CPNE5: variants seen among roughly 807,000 people sequenced by gnomAD.
The protein encoded by CPNE5 is copine-5.
CPNE5 carries 42 observed loss-of-function variants against 81.1 expected under a neutral mutation model. That is an observed-to-expected ratio of 0.52 (90% CI 0.40 to 0.67). The LOEUF is 0.67. CPNE5 is among the 30% of genes least tolerant of loss of function. The pLI is 0.00. For missense variants in CPNE5, 612 were observed against 815.5 expected (o/e 0.75, Z 3.04); for synonymous variants, 313 against 321.5 (o/e 0.97, Z 0.28).
intron 7 of CPNE5, among the ~76,000 whole-genome samples, chr6:36,793,734 C>G (rs917080110): frequency 6.6e-6 from 1 of 152,202 alleles, no homozygotes; most frequent in African/African-American, 2.4e-5. Flanking sequence ...TCCCCGGGCC[C>G]GCCGGAGGCC....
intron 14 of CPNE5, among the ~76,000 whole-genome samples, chr6:36,749,055 G>A (rs1237974908): frequency 6.6e-6 from 1 of 151,802 alleles, no homozygotes; most frequent in African/African-American, 2.4e-5. Flanking sequence ...TCCCACCTCA[G>A]CCTCCTAAAT....
intron 15 of CPNE5, among the ~76,000 whole-genome samples, chr6:36,747,827 C>A (rs1223040899): frequency 6.6e-6 from 1 of 152,238 alleles, no homozygotes; most frequent in Non-Finnish European, 1.5e-5. Flanking sequence ...CTGGATCCTG[C>A]CTCCCTGAAC....
In CPNE5 at chr6:36,822,115, T is replaced by G; in HGVS notation, c.182A>C (p.Glu61Ala). ...TQGMENKQWR[E>A]FGRTEVIDNT... ...GGTGTGGGAAGGAGCTGCACCTACC[T>G]CCCGCCACTGCTTGTTCTCCATCCC... is the stretch of plus-strand genomic sequence containing the variant. Residue 61 changes from glutamate to alanine, a missense_variant and splice_region_variant, in exon 3 of 21, where the codon GAG (glutamate) becomes GCG (alanine). Transcript: ENST00000244751. 3 of 1,535,702 alleles carry G rather than the reference T, an allele frequency of 2.0e-6. No homozygotes were observed. Among genetic ancestry groups the G allele is most frequent in the Non-Finnish European group, 2.6e-6 (3 of 1,135,642 alleles).
At chr6:36,758,077 C>T (rs72855081) in intron 12 of CPNE5, among the ~76,000 whole-genome samples, 12,262 of 152,124 alleles carry the variant, frequency 0.081, 553 homozygotes, top group East Asian at 0.17. Flanking sequence ...GAGGCTCATC[C>T]AGGAAATATT....
In CPNE5 at chr6:36,788,474, G is replaced by T. The variant is rs971347651; in HGVS notation, c.528+3559C>A. On this transcript the variant is annotated intron_variant, in intron 8 of 20. Transcript: ENST00000244751. ...AAGACTGAGGATTAGGAGTTCCAAG[G>T]CCTGAGCTAGAATCCCAGCAATCTT... Among the ~76,000 whole-genome samples, 12 of 152,206 alleles carry T rather than the reference G, an allele frequency of 7.9e-5. No homozygotes were observed. In the East Asian group the frequency reaches 2.3e-3, roughly 29 times the overall value.
chr6:36,789,906 C>T (rs777699205), intron 8 of CPNE5, among the ~76,000 whole-genome samples: 30 of 152,162 alleles, frequency 2.0e-4, no homozygotes, highest in Non-Finnish European at 7.3e-5. Context: ...ATAAGCAACC[C>T]GGGTGAGCAG....
At chr6:36,838,159 T>C (rs1235514811) in intron 1 of CPNE5, among the ~76,000 whole-genome samples, 1 of 152,146 alleles carries the variant, frequency 6.6e-6, no homozygotes, top group Non-Finnish European at 1.5e-5. Context: ...CAGCTCTACC[T>C]ACACCTCATC....
intron 1 of CPNE5, among the ~76,000 whole-genome samples, chr6:36,824,695 C>T (rs976017804): frequency 3.3e-5 from 5 of 152,222 alleles, no homozygotes; most frequent in African/African-American, 1.2e-4. Flanking sequence ...GCCTGTATTC[C>T]CAGCACTTTG....
chr6:36,822,980 G>T, intron 2 of CPNE5, 78 bp downstream of exon 2: 2 of 1,273,640 alleles, frequency 1.6e-6, no homozygotes, highest in South Asian at 1.7e-5. Context: ...TGCTCAGTAA[G>T]GGCTCAAGCA....
intron 8 of CPNE5, among the ~76,000 whole-genome samples, chr6:36,781,100 G>T (rs879429785): frequency 6.6e-6 from 1 of 152,182 alleles, no homozygotes; most frequent in African/African-American, 2.4e-5. Context: ...GCTGCATTCC[G>T]GTTACCCTGG....
intron 19 of CPNE5, among the ~76,000 whole-genome samples, chr6:36,744,042 GAT>G: frequency 6.6e-6 from 1 of 152,348 alleles, no homozygotes; most frequent in South Asian, 2.1e-4. Flanking sequence ...ACAGCCTTGG[GAT>G]GTGGGTGTGG....
At chr6:36,753,673 C>A (rs903645181) in intron 13 of CPNE5, among the ~76,000 whole-genome samples, 2 of 152,228 alleles carry the variant, frequency 1.3e-5, no homozygotes, top group Admixed American at 6.5e-5. Flanking sequence ...GTAGCCCATC[C>A]TTTTCCCCAG....
At chr6:36,815,303 T>C (rs527885473) in intron 3 of CPNE5, among the ~76,000 whole-genome samples, 1 of 152,278 alleles carries the variant, frequency 6.6e-6, no homozygotes, top group East Asian at 1.9e-4. Flanking sequence ...CTGGTCCCCC[T>C]TTGCACCCCC....
At chr6:36,832,337 C>T (rs768901687) in intron 1 of CPNE5, among the ~76,000 whole-genome samples, 13 of 152,166 alleles carry the variant, frequency 8.5e-5, no homozygotes, top group Admixed American at 2.0e-4. Flanking sequence ...GATCTGATGA[C>T]GACTCCCTGA....
intron 1 of CPNE5, among the ~76,000 whole-genome samples, chr6:36,836,987 A>C (rs1257991497): frequency 1.3e-5 from 2 of 152,176 alleles, no homozygotes; most frequent in African/African-American, 4.8e-5. Context: ...ATGTCCCCCA[A>C]AAGGGTATTG....
At chr6:36,826,087 T>A (rs754244466) in intron 1 of CPNE5, among the ~76,000 whole-genome samples, 1 of 152,102 alleles carries the variant, frequency 6.6e-6, no homozygotes, top group African/African-American at 2.4e-5. Flanking sequence ...TCTGGTCATA[T>A]CCAGGCTAGG....
chr6:36,751,656 G>A (rs1447724183), intron 14 of CPNE5, among the ~76,000 whole-genome samples: 1 of 152,182 alleles, frequency 6.6e-6, no homozygotes, highest in African/African-American at 2.4e-5. Context: ...TGGGGGTGGT[G>A]GCGCATGCCT....
At chr6:36,786,231 A>G (rs1177062499) in intron 8 of CPNE5, among the ~76,000 whole-genome samples, 3 of 152,102 alleles carry the variant, frequency 2.0e-5, no homozygotes, top group Non-Finnish European at 4.4e-5. Flanking sequence ...AGGGCCCTCT[A>G]GGAGGAGGAG....
Position 36,742,072 on chromosome 6 carries a change from CT to C in CPNE5, c.*195del. 3 of 579,784 alleles carry C rather than the reference CT, an allele frequency of 5.2e-6. No homozygotes were observed. The highest frequency in any genetic ancestry group is 9.2e-6 in the Non-Finnish European group (3 of 326,152). The allele number at this position is 579,784 out of a possible 1,614,324, so 35.9% of individuals were successfully genotyped here. A position where few individuals can be genotyped will look rare whatever the true frequency, so the allele number is the denominator to read the frequency against. On this transcript the variant is annotated 3_prime_UTR_variant, in exon 21 of 21. Transcript: ENST00000244751. ...GTACCCCTCTTTCACCCGTACCCCCCTAACTCCCTGGGTTTGGGCAATAAGT... is the reference window on the plus strand; with the variant it reads ...GTACCCCTCTTTCACCCGTACCCCCCAACTCCCTGGGTTTGGGCAATAAGT...
Sources: gnomAD v4.1 joint callset for allele counts (sites outside exome capture counted in the v4.1 genomes callset) on GRCh38, gnomAD v4.1.1 for gene constraint, MANE v1.5 for transcripts, NCBI Gene and HGNC (gene_info 2026-07-23, HGNC 2026-07-21) for gene names.